The following NLGN1 variants were observed in gnomAD, a reference collection of about 807,000 sequenced individuals.
The protein encoded by NLGN1 is neuroligin-1.
NLGN1 carries 12 observed loss-of-function variants against 65.5 expected under a neutral mutation model. That is an observed-to-expected ratio of 0.18 (90% CI 0.12 to 0.30). The LOEUF (loss-of-function observed/expected upper bound fraction) is 0.30, where lower values mean the gene tolerates loss of function less well. NLGN1 is among the 10% of genes least tolerant of loss of function. NLGN1 has a pLI of 1.00. For synonymous variants in NLGN1, 350 were observed against 359.5 expected (o/e 0.97, Z 0.30); for missense variants, 750 against 1,007.1 (o/e 0.74, Z 3.46).
chr3:174,023,128 A>G (rs1382861651), intron 4 of NLGN1, among the ~76,000 whole-genome samples: 6 of 152,174 alleles, frequency 3.9e-5, no homozygotes, highest in Non-Finnish European at 8.8e-5. Flanking sequence ...GACAAGATAG[A>G]CAATATGCCG....
chr3:173,934,583 G>A (rs1216596192), intron 4 of NLGN1, among the ~76,000 whole-genome samples: 2 of 151,788 alleles, frequency 1.3e-5, no homozygotes, highest in Admixed American at 6.6e-5. Flanking sequence ...TAGCTTTCTG[G>A]CCTTTTCTCA....
chr3:173,953,535 A>G (rs922080708), intron 4 of NLGN1, among the ~76,000 whole-genome samples: 2 of 150,832 alleles, frequency 1.3e-5, no homozygotes, highest in Non-Finnish European at 2.9e-5. Context: ...ATTTATTTAT[A>G]TACTTACTTA....
chr3:173,599,528 A>G (rs757516379), intron 2 of NLGN1, among the ~76,000 whole-genome samples: 14 of 152,120 alleles, frequency 9.2e-5, no homozygotes, highest in African/African-American at 3.1e-4. Flanking sequence ...TTCCAAGTAC[A>G]TGGCTAGCCT....
intron 1 of NLGN1, among the ~76,000 whole-genome samples, chr3:173,400,328 C>A (rs2148599896): frequency 6.6e-6 from 1 of 152,206 alleles, no homozygotes; most frequent in East Asian, 1.9e-4. Context: ...TTATTACATG[C>A]CAAAGTCCAC....
intron 4 of NLGN1, among the ~76,000 whole-genome samples, chr3:174,035,127 A>G (rs1730851670): frequency 6.6e-6 from 1 of 152,196 alleles, no homozygotes; most frequent in Non-Finnish European, 1.5e-5. Context: ...AATTTACATT[A>G]TTTAATTTAT....
At chr3:173,824,942 T>G (rs566873235) in intron 4 of NLGN1, among the ~76,000 whole-genome samples, 17 of 152,218 alleles carry the variant, frequency 1.1e-4, no homozygotes, top group Non-Finnish European at 2.4e-4. Flanking sequence ...ATGATTTTCC[T>G]AAAGCAGATT....
chr3:173,856,732 A>G (rs996139575), intron 4 of NLGN1, among the ~76,000 whole-genome samples: 2 of 152,120 alleles, frequency 1.3e-5, no homozygotes, highest in African/African-American at 4.8e-5. Flanking sequence ...ATTTCTAAAG[A>G]AAATGAGAAC....
At chr3:173,478,011 T>A (rs936235892) in intron 2 of NLGN1, among the ~76,000 whole-genome samples, 6 of 152,132 alleles carry the variant, frequency 3.9e-5, no homozygotes, top group Non-Finnish European at 8.8e-5. Context: ...CTCAAAGATA[T>A]AGAACCAGAA....
intron 4 of NLGN1, among the ~76,000 whole-genome samples, chr3:173,900,947 T>C (rs114155613): frequency 0.019 from 2,858 of 152,088 alleles, 29 homozygotes; most frequent in Middle Eastern, 0.031. Context: ...TGATAACTAA[T>C]ATAGCCATGT....
intron 4 of NLGN1, among the ~76,000 whole-genome samples, chr3:173,820,179 GAAAAAAAAAAAAA>G (rs63081662): frequency 1.5e-5 from 2 of 136,664 alleles, no homozygotes; most frequent in African/African-American, 5.3e-5. Flanking sequence ...ATTCAGTCTC[GAAAAAAAAAAAAA>G]AAAAAAAAAA....
At chr3:173,666,366 A>T (rs969895049) in intron 3 of NLGN1, among the ~76,000 whole-genome samples, 6 of 152,136 alleles carry the variant, frequency 3.9e-5, no homozygotes, top group African/African-American at 1.4e-4. Flanking sequence ...ATTAGCTCAG[A>T]TGTATTTTCC....
rs185503191 is a variant in NLGN1, at chr3:173,399,372, C to G, written c.-390+885C>G. Among the ~76,000 whole-genome samples the G allele has an allele frequency of 3.0e-3, 454 of 152,270 alleles. 1 individual carries two copies. The highest frequency in any genetic ancestry group is 5.5e-3 in the Non-Finnish European group (371 of 68,020). ...GAGTAAGAAAAGCTTCTTTAGTTCC[C>G]GTCCTTCCCATTGTCTCCCTTCTTC... is the stretch of plus-strand genomic sequence containing the variant. On this transcript the variant is annotated intron_variant, in intron 1 of 6. Coordinates refer to ENST00000457714, the Ensembl canonical transcript of NLGN1.
At chr3:173,909,330 C>T (rs542809654) in intron 4 of NLGN1, among the ~76,000 whole-genome samples, 14 of 152,082 alleles carry the variant, frequency 9.2e-5, no homozygotes, top group Admixed American at 6.5e-4. Flanking sequence ...AAATTTTCCC[C>T]GGGGACCTAC....
At chr3:173,632,050 C>G (rs986993463) in intron 3 of NLGN1, among the ~76,000 whole-genome samples, 1 of 151,954 alleles carries the variant, frequency 6.6e-6, no homozygotes, top group African/African-American at 2.4e-5. Context: ...TCTAGCAATA[C>G]TAGGAGGCAG....
At chr3:173,475,432 T>C (rs576317291) in intron 2 of NLGN1, among the ~76,000 whole-genome samples, 2 of 152,332 alleles carry the variant, frequency 1.3e-5, no homozygotes, top group South Asian at 4.1e-4. Flanking sequence ...TCTAACATGC[T>C]GTCTCAAACA....
At chr3:173,684,488 G>A (rs1764409979) in intron 3 of NLGN1, among the ~76,000 whole-genome samples, 1 of 152,150 alleles carries the variant, frequency 6.6e-6, no homozygotes, top group African/African-American at 2.4e-5. Context: ...GATGTCCATT[G>A]CTCTAATTTA....
At chr3:174,219,404 T>C (rs943454422) in intron 4 of NLGN1, among the ~76,000 whole-genome samples, 7 of 152,094 alleles carry the variant, frequency 4.6e-5, no homozygotes, top group African/African-American at 1.7e-4. Flanking sequence ...TGTTAGACAG[T>C]ATTCCTCAAG....
intron 4 of NLGN1, among the ~76,000 whole-genome samples, chr3:174,241,953 C>T (rs1441668711): frequency 6.6e-6 from 1 of 152,136 alleles, no homozygotes; most frequent in African/African-American, 2.4e-5. Flanking sequence ...CCACCGGGCC[C>T]GGCCCCAACG....
At chr3:174,268,821 C>T (rs1748780869) in intron 4 of NLGN1, among the ~76,000 whole-genome samples, 1 of 151,984 alleles carries the variant, frequency 6.6e-6, no homozygotes, top group Non-Finnish European at 1.5e-5. Context: ...ACCAGCAACA[C>T]AGTGTGTTAT....
Sources: allele counts gnomAD v4.1 joint callset (sites outside exome capture counted in the v4.1 genomes callset), GRCh38; gene constraint gnomAD v4.1.1; transcripts MANE v1.5; gene names NCBI Gene and HGNC (gene_info 2026-07-23, HGNC 2026-07-21).